DIAPH2: variants seen among roughly 807,000 people sequenced by gnomAD.
DIAPH2 encodes protein diaphanous homolog 2.
A neutral mutation model predicts 92.7 loss-of-function variants in DIAPH2; 35 were observed. The ratio of observed to expected loss-of-function variants is 0.38; its 90% CI spans 0.29 to 0.50. The LOEUF is 0.50. DIAPH2 is among the 20% of genes least tolerant of loss of function. DIAPH2 has a pLI of 0.94. For synonymous variants in DIAPH2, 301 were observed against 280.4 expected (o/e 1.07, Z -0.73); for missense variants, 701 against 819.5 (o/e 0.86, Z 1.77).
intron 20 of DIAPH2, among the ~76,000 whole-genome samples, chrX:97,114,146 G>A (rs1000935645): frequency 6.3e-5 from 7 of 111,707 alleles, no homozygotes; most frequent in African/African-American, 1.9e-4. Flanking sequence ...CTTAACAGCA[G>A]CATCTGTCAA....
chrX:96,979,015 C>T (rs922698367), intron 17 of DIAPH2, among the ~76,000 whole-genome samples: 3 of 111,676 alleles, frequency 2.7e-5, no homozygotes, highest in Non-Finnish European at 5.6e-5. Flanking sequence ...AGTCCATTTG[C>T]TTCATCAGAG....
At chrX:96,729,095 C>T (rs2064038993) in intron 1 of DIAPH2, among the ~76,000 whole-genome samples, 1 of 111,977 alleles carries the variant, frequency 8.9e-6, no homozygotes, top group Non-Finnish European at 1.9e-5. Flanking sequence ...TAAGGCCTCC[C>T]TACTGGGGGC....
rs184203368 is a variant in DIAPH2 at position 96,942,847 on chromosome X, A to C, written c.1444+711A>C. ...ATTGGAATCACTATTGTTAAGGTTTAAGCATGAACTCATTTGTCTTATATT... is the reference window on the plus strand; with the variant it reads ...ATTGGAATCACTATTGTTAAGGTTTCAGCATGAACTCATTTGTCTTATATT... On this transcript the variant is annotated intron_variant, in intron 13 of 26. Transcript: ENST00000324765. Among the ~76,000 whole-genome samples, 85 of 111,848 alleles carry C rather than the reference A, an allele frequency of 7.6e-4. 1 individual carries two copies. Among genetic ancestry groups the C allele is most frequent in the African/African-American group, 2.6e-3 (80 of 30,915 alleles).
intron 4 of DIAPH2, among the ~76,000 whole-genome samples, chrX:96,809,776 T>C (rs764837531): frequency 1.1e-3 from 123 of 112,008 alleles, no homozygotes; most frequent in Middle Eastern, 4.6e-3. Context: ...TGTTTGGTTT[T>C]CTGTCCTTGT....
intron 4 of DIAPH2, among the ~76,000 whole-genome samples, chrX:96,764,681 A>G (rs1203649105): frequency 3.6e-5 from 4 of 111,481 alleles, no homozygotes; most frequent in Non-Finnish European, 7.5e-5. Context: ...TATGGCCAAG[A>G]AATTTGCATT....
chrX:97,500,117 G>A (rs2070785108), intron 26 of DIAPH2, among the ~76,000 whole-genome samples: 2 of 111,959 alleles, frequency 1.8e-5, no homozygotes, highest in South Asian at 7.5e-4. Context: ...AAAGTGCTGG[G>A]TAAGTTAAAG....
chrX:96,887,983 ATG>A (rs1008273952), intron 5 of DIAPH2, among the ~76,000 whole-genome samples: 9 of 107,538 alleles, frequency 8.4e-5, no homozygotes, highest in Non-Finnish European at 1.2e-4. Flanking sequence ...GTGTGTGTGT[ATG>A]TGTGTGTGTG....
rs371054772 is a variant in DIAPH2, at chrX:97,551,459, G to A, written c.3242-47794G>A. ...ACAAAACTTAGCTGGGCGTGGTGGC[G>A]CACACCTGTAAACCCAGCTACTCGG... On this transcript the variant is annotated intron_variant, in intron 26 of 26. Coordinates refer to ENST00000324765, the MANE Select transcript of DIAPH2 (RefSeq NM_006729.5). 9.2e-5 allele frequency among the ~76,000 whole-genome samples: 10 copies of A among 108,917 alleles called. 1 individual carries two copies. Among genetic ancestry groups the A allele is most frequent in the Admixed American group, 5.9e-4 (6 of 10,147 alleles). 94.6% of individuals were successfully genotyped at this position (108,917 alleles called of 115,157 possible). A position where few individuals can be genotyped will look rare whatever the true frequency, so the allele number is the denominator to read the frequency against.
At chrX:96,822,063 G>C in intron 4 of DIAPH2, among the ~76,000 whole-genome samples, 1 of 109,880 alleles carries the variant, frequency 9.1e-6, no homozygotes, top group Non-Finnish European at 1.9e-5. Context: ...CCAGGTTGTG[G>C]ATTTTTTTTT....
chrX:97,236,545 ATT>A (rs200824073), intron 22 of DIAPH2, among the ~76,000 whole-genome samples: 18 of 87,483 alleles, frequency 2.1e-4, no homozygotes, highest in African/African-American at 5.5e-4. Flanking sequence ...TTTCATTTTC[ATT>A]TTTTTTTTTT....
intron 4 of DIAPH2, among the ~76,000 whole-genome samples, chrX:96,813,943 G>C (rs1389788499): frequency 2.7e-5 from 3 of 111,476 alleles, no homozygotes; most frequent in African/African-American, 9.8e-5. Context: ...CTTTCTCTCT[G>C]GCTGCCCTTA....
intron 22 of DIAPH2, among the ~76,000 whole-genome samples, chrX:97,170,887 A>T (rs56915093): frequency 0.35 from 37,382 of 108,200 alleles, 5,930 homozygotes; most frequent in East Asian, 0.49. Context: ...TTATTTATTT[A>T]TTTTTTTGAG....
At chrX:97,373,349 A>G (rs2069466347) in intron 24 of DIAPH2, among the ~76,000 whole-genome samples, 1 of 110,423 alleles carries the variant, frequency 9.1e-6, no homozygotes, top group Non-Finnish European at 1.9e-5. Context: ...AACTATGTGT[A>G]GAGACGTTCT....
chrX:97,203,865 CA>C (rs1297795953), intron 22 of DIAPH2, among the ~76,000 whole-genome samples: 1 of 110,467 alleles, frequency 9.1e-6, no homozygotes, highest in Admixed American at 9.7e-5. Context: ...AGAGACACAA[CA>C]AAAAAAAGGA....
intron 5 of DIAPH2, 81 bp downstream of exon 5, chrX:96,881,799 A>G: frequency 9.9e-7 from 1 of 1,009,601 alleles, no homozygotes; most frequent in East Asian, 3.2e-5. Context: ...AAGTTTTGTT[A>G]TTTAAACCTC....
intron 23 of DIAPH2, among the ~76,000 whole-genome samples, chrX:97,308,285 C>A (rs1838795773): frequency 9.0e-6 from 1 of 111,678 alleles, no homozygotes; most frequent in African/African-American, 3.3e-5. Context: ...AACAGTATTT[C>A]ATTGCTGCTT....
At chrX:97,494,062 C>T (rs752212617) in intron 26 of DIAPH2, among the ~76,000 whole-genome samples, 1 of 105,635 alleles carries the variant, frequency 9.5e-6, no homozygotes, top group South Asian at 4.2e-4. Context: ...ACTTGAAAAA[C>T]ATATTTATAT....
chrX:97,156,682 G>A (rs184618754), intron 22 of DIAPH2, among the ~76,000 whole-genome samples: 182 of 111,520 alleles, frequency 1.6e-3, no homozygotes, highest in African/African-American at 5.4e-3. Flanking sequence ...TAGTGGATGA[G>A]GGAACCACCG....
At chrX:96,885,266 G>A in intron 5 of DIAPH2, 1 of 453,879 alleles carries the variant, frequency 2.2e-6, no homozygotes, top group Non-Finnish European at 3.9e-6. Context: ...TTCTGTATTT[G>A]AAGCTCAGAG....
Sources: allele counts gnomAD v4.1 joint callset (sites outside exome capture counted in the v4.1 genomes callset), GRCh38; gene constraint gnomAD v4.1.1; transcripts MANE v1.5; gene names NCBI Gene and HGNC (gene_info 2026-07-23, HGNC 2026-07-21).